RANBP2: variants seen among roughly 807,000 people sequenced by gnomAD.
RANBP2 encodes the protein E3 SUMO-protein ligase RanBP2.
Under a neutral mutation model 303.6 loss-of-function variants are expected in RANBP2, and 57 were observed. The observed-to-expected ratio is 0.19, with a 90% CI of 0.15 to 0.23. The LOEUF is 0.23. RANBP2 is among the 10% of genes least tolerant of loss of function. The pLI, the probability that RANBP2 is intolerant of heterozygous loss-of-function variation, is 1.00. For synonymous variants in RANBP2, 1,167 were observed against 1,301.5 expected (o/e 0.90, Z 2.23); for missense variants, 3,138 against 3,780.8 (o/e 0.83, Z 4.46).
At chr2:109,102,855 G>A in the RANBP2 span, among the ~76,000 whole-genome samples, 7 of 152,204 alleles carry the variant, frequency 4.6e-5, no homozygotes. Flanking sequence ...GAGAACAAAT[G>A]TATTGCTGTA....
At chr2:109,034,574 C>T in the RANBP2 span, among the ~76,000 whole-genome samples, 1 of 152,206 alleles carries the variant, frequency 6.6e-6, no homozygotes, top group Non-Finnish European at 1.5e-5. Flanking sequence ...CTGGAGCCAC[C>T]ATGTAAGCAA....
At chr2:109,378,158 C>T in the RANBP2 span, among the ~76,000 whole-genome samples, 3 of 152,230 alleles carry the variant, frequency 2.0e-5, no homozygotes, top group Non-Finnish European at 4.4e-5. Flanking sequence ...TGAGGCTCCT[C>T]TCTCCTCCGC....
the RANBP2 span, among the ~76,000 whole-genome samples, chr2:109,125,703 G>C: frequency 3.3e-5 from 5 of 152,234 alleles, no homozygotes; most frequent in African/African-American, 4.8e-5. Context: ...GAAATCCCCA[G>C]ATCTTTTTAG....
the RANBP2 span, among the ~76,000 whole-genome samples, chr2:109,416,453 C>T: frequency 8.5e-5 from 13 of 152,106 alleles, no homozygotes; most frequent in Admixed American, 8.5e-4. Flanking sequence ...CAAAATATCT[C>T]GGCTCACTGC....
At chr2:108,908,019 G>A in the RANBP2 span, 22 of 1,607,098 alleles carry the variant, frequency 1.4e-5, no homozygotes, top group African/African-American at 5.3e-5. Context: ...CATCGTTCTC[G>A]CTGCAAAAAC....
the RANBP2 span, among the ~76,000 whole-genome samples, chr2:109,226,222 C>G: frequency 2.0e-5 from 3 of 152,162 alleles, no homozygotes; most frequent in Admixed American, 6.5e-5. Flanking sequence ...GCAGAAGGAA[C>G]TTAGAGAAAG....
the RANBP2 span, among the ~76,000 whole-genome samples, chr2:108,907,246 C>A: frequency 6.6e-6 from 1 of 152,224 alleles, no homozygotes; most frequent in African/African-American, 2.4e-5. Context: ...TTAGATAAAA[C>A]CCCGTATATT....
chr2:109,597,534 C>T, the RANBP2 span, among the ~76,000 whole-genome samples: 1 of 152,166 alleles, frequency 6.6e-6, no homozygotes, highest in Non-Finnish European at 1.5e-5. Flanking sequence ...TTTCAACGCA[C>T]AAGGGGGTAA....
chr2:109,535,134 C>G, the RANBP2 span, among the ~76,000 whole-genome samples: 1 of 152,192 alleles, frequency 6.6e-6, no homozygotes, highest in Non-Finnish European at 1.5e-5. Context: ...GGGCACTGGT[C>G]AGAAGCGTGG....
At chr2:108,964,490 G>C in the RANBP2 span, among the ~76,000 whole-genome samples, 64 of 152,264 alleles carry the variant, frequency 4.2e-4, no homozygotes, top group African/African-American at 1.5e-3. Context: ...CCTACTCTAA[G>C]AGGAAATCAG....
At chr2:109,078,233 T>TATATAGC in the RANBP2 span, among the ~76,000 whole-genome samples, 1 of 47,804 alleles carries the variant, frequency 2.1e-5, no homozygotes, top group Non-Finnish European at 4.2e-5. Flanking sequence ...AGCGTGTATA[T>TATATAGC]ATATATATAG....
At chr2:109,378,167 G>A in the RANBP2 span, among the ~76,000 whole-genome samples, 3 of 152,202 alleles carry the variant, frequency 2.0e-5, no homozygotes, top group African/African-American at 7.2e-5. Flanking sequence ...TCTCTCCTCC[G>A]CAGCACCTCC....
the RANBP2 span, chr2:109,432,766 G>A: frequency 6.0e-4 from 879 of 1,458,376 alleles, 7 homozygotes; most frequent in Middle Eastern, 4.6e-4. Flanking sequence ...CTGTCAGCCG[G>A]GCCCAGAAGG....
chr2:109,514,442 C>T, the RANBP2 span, among the ~76,000 whole-genome samples: 38 of 152,316 alleles, frequency 2.5e-4, no homozygotes, highest in African/African-American at 7.0e-4. Context: ...ACAGCTCAGA[C>T]CTCCATGGAT....
At chr2:109,583,684 C>T in the RANBP2 span, among the ~76,000 whole-genome samples, 2 of 152,124 alleles carry the variant, frequency 1.3e-5, no homozygotes, top group Admixed American at 6.5e-5. Flanking sequence ...GACACATGTA[C>T]TCATATGTTT....
At chr2:108,836,464 T>C in the RANBP2 span, among the ~76,000 whole-genome samples, 2 of 152,232 alleles carry the variant, frequency 1.3e-5, no homozygotes, top group Admixed American at 1.3e-4. Context: ...GATATGAATA[T>C]GGACTTGCAA....
the RANBP2 span, among the ~76,000 whole-genome samples, chr2:109,302,614 G>A: frequency 2.0e-5 from 3 of 152,324 alleles, no homozygotes; most frequent in East Asian, 1.9e-4. Context: ...TCACTGCTGC[G>A]TAGGGGATTA....
the RANBP2 span, among the ~76,000 whole-genome samples, chr2:108,952,933 T>C: frequency 6.6e-6 from 1 of 152,380 alleles, no homozygotes; most frequent in Non-Finnish European, 1.5e-5. Context: ...TTTCTGCTTT[T>C]AGTTCCAAGG....
At chr2:109,371,506 A>G in the RANBP2 span, 1 of 1,175,142 alleles carries the variant, frequency 8.5e-7, no homozygotes, top group African/African-American at 1.5e-5. Context: ...GAGCCTCCAC[A>G]GTACTAACCA....
Sources: allele counts gnomAD v4.1 joint callset (sites outside exome capture counted in the v4.1 genomes callset), GRCh38; gene constraint gnomAD v4.1.1; transcripts MANE v1.5; gene names NCBI Gene and HGNC (gene_info 2026-07-23, HGNC 2026-07-21).